The following ATG9B variants were observed in gnomAD, a reference collection of about 807,000 sequenced individuals.
The protein encoded by ATG9B is autophagy-related protein 9B.
Under a neutral mutation model 92.9 loss-of-function variants are expected in ATG9B, and 92 were observed. That is an observed-to-expected ratio of 0.99 (90% CI 0.84 to 1.18). ATG9B has a LOEUF of 1.18. Among genes scored for constraint, ATG9B ranks in the 50% most tolerant of loss-of-function variants. ATG9B has a pLI of 0.00. For synonymous variants in ATG9B, 599 were observed against 551.4 expected (o/e 1.09, Z -1.21); for missense variants, 1,344 against 1,235.0 (o/e 1.09, Z -1.32).
downstream of ATG9B, chr7:151,012,573 CAA>C: frequency 7.3e-7 from 1 of 1,379,134 alleles, no homozygotes; most frequent in East Asian, 2.4e-5. Context: ...GGGCAGGAAA[CAA>C]AGTCCACAAA....
At chr7:151,023,540 C>T (rs1269226462) in intron 2 of ATG9B, 31 bp from the exon 3 acceptor site, 2 of 1,612,706 alleles carry the variant, frequency 1.2e-6, no homozygotes, top group South Asian at 2.2e-5. Flanking sequence ...AAGCCTGAGG[C>T]ACGGGGGGCC....
In ATG9B at chr7:151,018,217, C is replaced by A. The variant is rs943867792; in HGVS notation, c.1872+77G>T. 9.6e-5 allele frequency: 143 copies of A among 1,484,464 alleles called. No homozygotes were observed. The African/African-American group carries it at 2.0e-3, about 20-fold the overall frequency. 92.0% of individuals were successfully genotyped at this position (1,484,464 alleles called of 1,614,324 possible). ...TGTCTCATGCCCTCTCCCAGACAGA[C>A]CCTCCGCGCAGACAGACCCTCCGCG... On this transcript the variant is annotated intron_variant, in intron 7 of 13. Coordinates refer to ENST00000639579, the MANE Select transcript of ATG9B (RefSeq NM_001317056.2). The surrounding 1 kb of genome is among the most constrained non-coding windows in gnomAD (Gnocchi z 4.7).
chr7:151,013,419 G>T (rs1165506379), downstream of ATG9B: 2 of 1,582,756 alleles, frequency 1.3e-6, no homozygotes, highest in African/African-American at 2.7e-5. Flanking sequence ...CTGAAGATAG[G>T]GAGAGAGGGG....
chr7:151,018,597 A>G lies in ATG9B; in HGVS notation c.1718+23T>C, dbSNP rs1221835908. 6.3e-7 allele frequency: 1 copy of G among 1,587,572 alleles called. No individual in the cohort carries two copies. The highest frequency in any genetic ancestry group is 8.5e-7 in the Non-Finnish European group (1 of 1,172,320). On this transcript the variant is annotated intron_variant, in intron 6 of 13. Coordinates refer to ENST00000639579, the MANE Select transcript of ATG9B (RefSeq NM_001317056.2). This position sits in a 1 kb window ranked among gnomAD's most constrained non-coding sequence, Gnocchi z 4.7. The stretch of plus-strand genomic sequence containing the variant: ...ATCAGAGAAACCAACACACACCACC[A>G]CCCCGGGCATCTGCCGTCGCACCTG...
At chr7:151,022,758 C>A (rs1051079097) in intron 4 of ATG9B, among the ~76,000 whole-genome samples, 24 of 151,618 alleles carry the variant, frequency 1.6e-4, no homozygotes, top group Non-Finnish European at 1.2e-4. Flanking sequence ...ATTGCTTGAA[C>A]CTGGGAGGTG....
downstream of ATG9B, chr7:151,013,857 T>C (rs767989742): frequency 3.1e-6 from 5 of 1,604,622 alleles, no homozygotes; most frequent in East Asian, 6.7e-5. Flanking sequence ...GTGCAGCGCA[T>C]CCTGGCGACG....
At position 151,024,399 on chromosome 7, in the gene ATG9B, C is replaced by T. The variant is rs545139907; in HGVS notation, c.25G>A (p.Gly9Arg). 12 of 1,372,514 alleles carry T rather than the reference C, an allele frequency of 8.7e-6. No individual in the cohort carries two copies. The Admixed American group carries it at 1.2e-4, about 14-fold the overall frequency. The allele number at this position is 1,372,514 out of a possible 1,614,324, so 85.0% of individuals were successfully genotyped here. MVSRMGWGGRRRRLGRWGD... is the reference protein window; with the variant it reads MVSRMGWGRRRRRLGRWGD... Reference sequence around the variant, plus strand: ...CACCGCCCCAGCCGCCTTCTTCTCCCCCCCCAGCCCATTCGGCTCACCATC... The same window carrying T: ...CACCGCCCCAGCCGCCTTCTTCTCCTCCCCCAGCCCATTCGGCTCACCATC... Residue 9 changes from glycine (G) to arginine (R), a missense_variant, in exon 1 of 14, where the codon GGG (glycine) becomes AGG (arginine). Transcript: ENST00000639579.
chr7:151,018,129 AC>A lies in ATG9B; in HGVS notation c.1873-80del. ...TATCAGGACCAAGCAGTCCCCAGCG[AC>A]CCTCGCCAGGGCAAGAAGCCTCCCC... On this transcript the variant is annotated intron_variant, in intron 7 of 13. Transcript: ENST00000639579. The surrounding 1 kb of genome is among the most constrained non-coding windows in gnomAD (Gnocchi z 4.7). 2.0e-6 allele frequency: 3 copies of A among 1,473,960 alleles called. No individual in the cohort carries two copies. Among genetic ancestry groups the A allele is most frequent in the Non-Finnish European group, 2.7e-6 (3 of 1,111,838 alleles). The allele number at this position is 1,473,960 out of a possible 1,614,324, so 91.3% of individuals were successfully genotyped here.
At position 151,017,016 on chromosome 7, in the gene ATG9B, A is replaced by G; in HGVS notation, c.2289+20T>C. The stretch of plus-strand genomic sequence containing the variant: ...GTTGTGGGGGTGAAGGCAGAAGGGG[A>G]GGCCAGGCTTGGGACTCACCAGGGG... On this transcript the variant is annotated intron_variant, in intron 9 of 13. Coordinates refer to ENST00000639579, the MANE Select transcript of ATG9B (RefSeq NM_001317056.2). 1 of 1,567,112 alleles carries G rather than the reference A, an allele frequency of 6.4e-7. No individual in the cohort carries two copies. The highest frequency in any genetic ancestry group is 8.7e-7 in the Non-Finnish European group (1 of 1,154,984).
At position 151,018,839 on chromosome 7, in the gene ATG9B, C is replaced by CGCAGCTCGTGCG. The variant is rs1201878267; in HGVS notation, c.1487_1498dup (p.Pro496_Leu499dup). On this transcript the variant is annotated inframe_insertion, in exon 6 of 14. Coordinates refer to ENST00000639579, the MANE Select transcript of ATG9B (RefSeq NM_001317056.2). The surrounding 1 kb of genome is among the most constrained non-coding windows in gnomAD (Gnocchi z 4.7). ...GCGGTAGGCGCGGGCCAGGCGCGCG[C>CGCAGCTCGTGCG]GCAGCTCGTGCGGCAGCTCGTTGAA... is the stretch of plus-strand genomic sequence containing the variant. 8 of 1,292,034 alleles carry CGCAGCTCGTGCG rather than the reference C, an allele frequency of 6.2e-6. No homozygotes were observed. Among genetic ancestry groups the CGCAGCTCGTGCG allele is most frequent in the Non-Finnish European group, 7.8e-6 (8 of 1,023,610 alleles). 80.0% of individuals were successfully genotyped at this position (1,292,034 alleles called of 1,614,324 possible).
downstream of ATG9B, chr7:151,013,878 T>G: frequency 1.2e-6 from 2 of 1,603,030 alleles, no homozygotes; most frequent in Non-Finnish European, 1.7e-6. Flanking sequence ...GAGGGCGACA[T>G]GGAGCTGGAC....
At chr7:151,013,662 C>A (rs1795362099), downstream of ATG9B, 3 of 1,411,924 alleles carry the variant, frequency 2.1e-6, no homozygotes, top group South Asian at 2.7e-5. Flanking sequence ...CAGCCAGCAG[C>A]CCCGGGCTGC....
downstream of ATG9B, chr7:151,012,877 C>A: frequency 2.9e-6 from 1 of 348,490 alleles, no homozygotes. Flanking sequence ...AAGAAGAGGG[C>A]TGTGACTGGG....
chr7:151,023,957 T>A lies in ATG9B; in HGVS notation c.467A>T (p.Asp156Val). Residue 156 changes from aspartate (D) to valine (V), a missense_variant, in exon 1 of 14, where the codon GAC (aspartate) becomes GTC (valine). Transcript: ENST00000639579. The stretch of plus-strand genomic sequence containing the variant: ...GTCTTGGGACCCCTCAGGGTCACAG[T>A]CCTCCAGCCGCTCATAATCCTGTTC... ...IPEQDYERLE[D>V]CDPEGSQDSP... The A allele has an allele frequency of 6.3e-7, 1 of 1,588,618 alleles. No homozygotes were observed. Among genetic ancestry groups the A allele is most frequent in the Non-Finnish European group, 8.6e-7 (1 of 1,167,858 alleles).
Position 151,018,830 on chromosome 7 carries a change from A to G in ATG9B, c.1508T>C (p.Leu503Pro). 1 of 1,293,726 alleles carries G rather than the reference A, an allele frequency of 7.7e-7. No individual in the cohort carries two copies. Among genetic ancestry groups the G allele is most frequent in the South Asian group, 2.4e-5 (1 of 42,276 alleles). The allele number at this position is 1,293,726 out of a possible 1,614,324, so 80.1% of individuals were successfully genotyped here. The change falls in exon 6 of 14, where the codon CTG (leucine) becomes CCG (proline). Residue 503 changes from leucine to proline, a missense_variant. Coordinates refer to ENST00000639579, the MANE Select transcript of ATG9B (RefSeq NM_001317056.2). The surrounding 1 kb of genome is among the most constrained non-coding windows in gnomAD (Gnocchi z 4.7). Reference sequence around the variant, plus strand: ...GGCGGCGGGGCGGTAGGCGCGGGCCAGGCGCGCGCGCAGCTCGTGCGGCAG... The same window carrying G: ...GGCGGCGGGGCGGTAGGCGCGGGCCGGGCGCGCGCGCAGCTCGTGCGGCAG... ...NELPHELRAR[L>P]ARAYRPAAAF...
Position 151,018,502 on chromosome 7 carries a change from G to A in ATG9B, c.1719-55C>T. 2 of 1,514,370 alleles carry A rather than the reference G, an allele frequency of 1.3e-6. No individual in the cohort carries two copies. The highest frequency in any genetic ancestry group is 2.2e-5 in the Admixed American group (1 of 46,042). The allele number at this position is 1,514,370 out of a possible 1,614,324, so 93.8% of individuals were successfully genotyped here. On this transcript the variant is annotated intron_variant, in intron 6 of 13. Coordinates refer to ENST00000639579, the MANE Select transcript of ATG9B (RefSeq NM_001317056.2). This position sits in a 1 kb window ranked among gnomAD's most constrained non-coding sequence, Gnocchi z 4.7. ...GCCTGCGATTAGGAGGACGCGCGGT[G>A]GGATGTAGGGCTAGAGGGCCCCAGT...
Position 151,024,333 on chromosome 7 carries a change from G to A in ATG9B, c.91C>T (p.Pro31Ser). 1 of 1,422,646 alleles carries A rather than the reference G, an allele frequency of 7.0e-7. No individual in the cohort carries two copies. 88.1% of individuals were successfully genotyped at this position (1,422,646 alleles called of 1,614,324 possible). ...GAAGGAGGAGGAGGAGGTGGCAGTG[G>A]CATGGGGAGGAGGGGCACCGATCCG... ...GPGSVPLLPMPLPPPPPPSCR... is the reference protein window; with the variant it reads ...GPGSVPLLPMSLPPPPPPSCR... Residue 31 changes from proline (P) to serine (S), a missense_variant, in exon 1 of 14, where the codon CCA becomes TCA. Coordinates refer to ENST00000639579, the MANE Select transcript of ATG9B (RefSeq NM_001317056.2).
downstream of ATG9B, chr7:151,013,196 G>C (rs374455840): frequency 1.9e-6 from 3 of 1,595,688 alleles, no homozygotes; most frequent in African/African-American, 4.0e-5. Context: ...CTGTGCCCCG[G>C]AGAAGAGCCT....
In ATG9B at chr7:151,015,947, C is replaced by T. The variant is rs1489539158; in HGVS notation, c.2724G>A (p.Gln908=). The T allele has an allele frequency of 1.9e-6, 3 of 1,551,586 alleles. No homozygotes were observed. Among genetic ancestry groups the T allele is most frequent in the East Asian group, 2.4e-5 (1 of 40,938 alleles). Residue 908 remains glutamine, a synonymous_variant, in exon 13 of 14, where the codon CAG becomes CAA. Coordinates refer to ENST00000639579, the MANE Select transcript of ATG9B (RefSeq NM_001317056.2). ...KARNLFPGGF[Q]VTTDTQKEPD... ...GCTCCTTCTGGGTGTCTGTGGTCAC[C>T]TGAAACCCTCCGGGGAACAGATTCC... is the stretch of plus-strand genomic sequence containing the variant.
Sources: allele counts gnomAD v4.1 joint callset (sites outside exome capture counted in the v4.1 genomes callset), GRCh38; gene constraint gnomAD v4.1.1; non-coding constraint Gnocchi (gnomAD v3.1); transcripts MANE v1.5; gene names NCBI Gene and HGNC (gene_info 2026-07-23, HGNC 2026-07-21).